The following PPP1R14C variants were observed in gnomAD, a reference collection of about 807,000 sequenced individuals.
PPP1R14C encodes protein phosphatase 1 regulatory subunit 14C.
In PPP1R14C, 16 loss-of-function variants were observed where a neutral mutation model predicts 20.4. The ratio of observed to expected loss-of-function variants is 0.78; its 90% CI spans 0.53 to 1.19. The LOEUF (loss-of-function observed/expected upper bound fraction) is 1.19, where lower values mean the gene tolerates loss of function less well. Ranked by LOEUF, PPP1R14C falls within the 50% of genes most tolerant of loss-of-function variation. The pLI, the probability that PPP1R14C is intolerant of heterozygous loss-of-function variation, is 0.00. For synonymous variants in PPP1R14C, 91 were observed against 91.0 expected, an observed-to-expected ratio of 1.00 and a Z score of 0.00; for missense variants, 211 against 220.1, an observed-to-expected ratio of 0.96 and a Z score of 0.26.
In PPP1R14C at chr6:150,229,121, A is replaced by G. The variant is rs555518633; in HGVS notation, c.423+12265A>G. ...ATCTAGACAAAAGAAAGAATATAAA[A>G]TAAAGACAATGTGACACATGACTTT... On this transcript the variant is annotated intron_variant, in intron 3 of 3. Transcript: ENST00000361131. 1.8e-3 allele frequency among the ~76,000 whole-genome samples: 277 copies of G among 152,312 alleles called. 2 individuals are homozygous for G. The highest frequency in any genetic ancestry group is 6.3e-3 in the African/African-American group (263 of 41,570).
intron 1 of PPP1R14C, among the ~76,000 whole-genome samples, chr6:150,197,337 T>C (rs1350153603): frequency 6.6e-6 from 1 of 152,234 alleles, no homozygotes; most frequent in Admixed American, 6.5e-5. Context: ...GTCGTTGGTC[T>C]AGGAAGTTAA....
intron 2 of PPP1R14C, among the ~76,000 whole-genome samples, chr6:150,216,385 A>G (rs989589284): frequency 3.9e-5 from 6 of 152,154 alleles, no homozygotes; most frequent in African/African-American, 7.2e-5. Flanking sequence ...AGTCCCAGCT[A>G]TTCGGAAGGC....
At chr6:150,171,119 A>G (rs941543534) in intron 1 of PPP1R14C, among the ~76,000 whole-genome samples, 18 of 152,158 alleles carry the variant, frequency 1.2e-4, no homozygotes, top group Admixed American at 7.9e-4. Flanking sequence ...CCCAAAGTGC[A>G]TAGTTTACAT....
chr6:150,177,489 G>A (rs1255327179), intron 1 of PPP1R14C, among the ~76,000 whole-genome samples: 1 of 152,188 alleles, frequency 6.6e-6, no homozygotes, highest in Non-Finnish European at 1.5e-5. Flanking sequence ...TGTGTAGCAC[G>A]TTCTCAGGCC....
At chr6:150,194,111 C>T (rs547345443) in intron 1 of PPP1R14C, among the ~76,000 whole-genome samples, 10 of 152,238 alleles carry the variant, frequency 6.6e-5, no homozygotes, top group Middle Eastern at 3.4e-3. Flanking sequence ...CAGTGCCTTC[C>T]GCCTTCTGCC....
intron 1 of PPP1R14C, among the ~76,000 whole-genome samples, chr6:150,193,530 C>T (rs1439949487): frequency 6.7e-6 from 1 of 150,356 alleles, no homozygotes; most frequent in East Asian, 2.0e-4. Context: ...GGAAAGAGAT[C>T]GGAAATGAGA....
chr6:150,161,221 A>C (rs1223682350), intron 1 of PPP1R14C, among the ~76,000 whole-genome samples: 1 of 151,952 alleles, frequency 6.6e-6, no homozygotes, highest in Non-Finnish European at 1.5e-5. Context: ...CAGAGGTTGC[A>C]GTGAGCCGAG....
chr6:150,212,025 C>T (rs1778029324), intron 1 of PPP1R14C, among the ~76,000 whole-genome samples: 1 of 152,132 alleles, frequency 6.6e-6, no homozygotes, highest in South Asian at 2.1e-4. Context: ...CATCACATGC[C>T]CTTGGGTAGT....
intron 1 of PPP1R14C, among the ~76,000 whole-genome samples, chr6:150,159,924 A>G (rs1157372591): frequency 6.6e-6 from 1 of 152,144 alleles, no homozygotes; most frequent in African/African-American, 2.4e-5. Context: ...TGGCTAGGCC[A>G]GTTTCTCAGC....
At chr6:150,188,419 C>A (rs936052219) in intron 1 of PPP1R14C, among the ~76,000 whole-genome samples, 1 of 151,822 alleles carries the variant, frequency 6.6e-6, no homozygotes, top group Admixed American at 6.6e-5. Flanking sequence ...TCAGGGCATG[C>A]CTTCCTGATG....
intron 3 of PPP1R14C, among the ~76,000 whole-genome samples, chr6:150,230,476 C>G (rs1778280946): frequency 6.6e-6 from 1 of 152,194 alleles, no homozygotes; most frequent in South Asian, 2.1e-4. Context: ...ATGTGGATCC[C>G]AGCCTTTGGA....
At chr6:150,168,047 TC>T (rs1777450932) in intron 1 of PPP1R14C, among the ~76,000 whole-genome samples, 1 of 6,508 alleles carries the variant, frequency 1.5e-4, no homozygotes, top group African/African-American at 7.0e-4. Flanking sequence ...CTCCCGACTC[TC>T]CTCTCCCCCA....
At chr6:150,191,917 G>T (rs117243034) in intron 1 of PPP1R14C, among the ~76,000 whole-genome samples, 1 of 152,158 alleles carries the variant, frequency 6.6e-6, no homozygotes, top group African/African-American at 2.4e-5. Flanking sequence ...TGGGATTTGA[G>T]GTGTAGATAG....
chr6:150,149,994 C>T (rs1227700674), intron 1 of PPP1R14C, among the ~76,000 whole-genome samples: 2 of 152,160 alleles, frequency 1.3e-5, no homozygotes, highest in Admixed American at 1.3e-4. Flanking sequence ...AGGCAAGGAA[C>T]TGTCTTAATT....
chr6:150,228,440 G>A (rs914442587), intron 3 of PPP1R14C, among the ~76,000 whole-genome samples: 1 of 152,220 alleles, frequency 6.6e-6, no homozygotes, highest in East Asian at 1.9e-4. Flanking sequence ...CAAATGTGAA[G>A]CTTCCACTTG....
At chr6:150,178,040 TAC>T (rs1777582148) in intron 1 of PPP1R14C, among the ~76,000 whole-genome samples, 1 of 152,212 alleles carries the variant, frequency 6.6e-6, no homozygotes, top group Non-Finnish European at 1.5e-5. Flanking sequence ...GTGTCATAGT[TAC>T]AGTCTCCTAG....
chr6:150,238,583 G>T (rs930633056), intron 3 of PPP1R14C, among the ~76,000 whole-genome samples: 1 of 152,270 alleles, frequency 6.6e-6, no homozygotes. Flanking sequence ...CAGGGCACCC[G>T]TTCACCCCCA....
rs182267012 is a variant in PPP1R14C, at chr6:150,143,095, C to T, written c.-98C>T. ...CGGCGCAGAGCAGGTGCCGGGGAGC[C>T]CTTCGCATGCGGCTGCCGGGCCGGA... is the stretch of plus-strand genomic sequence containing the variant. On this transcript the variant is annotated 5_prime_UTR_variant, in exon 1 of 4. Transcript: ENST00000361131. This position sits in a 1 kb window ranked among gnomAD's most constrained non-coding sequence, Gnocchi z 5.6. 1,087 of 1,137,256 alleles carry T rather than the reference C, an allele frequency of 9.6e-4. 5 individuals are homozygous for T. In the African/African-American group the frequency reaches 0.016, roughly 17 times the overall value. The allele number at this position is 1,137,256 out of a possible 1,614,324, so 70.4% of individuals were successfully genotyped here.
intron 1 of PPP1R14C, among the ~76,000 whole-genome samples, chr6:150,168,611 G>A (rs1017523636): frequency 2.0e-5 from 3 of 151,908 alleles, no homozygotes; most frequent in South Asian, 2.1e-4. Flanking sequence ...GTAAGTCCTC[G>A]CCATGGTTGA....
Sources: allele counts gnomAD v4.1 joint callset (sites outside exome capture counted in the v4.1 genomes callset), GRCh38; gene constraint gnomAD v4.1.1; non-coding constraint Gnocchi (gnomAD v3.1); transcripts MANE v1.5; gene names NCBI Gene and HGNC (gene_info 2026-07-23, HGNC 2026-07-21).